TPRG1: variants seen among roughly 807,000 people sequenced by gnomAD.
The protein encoded by TPRG1 is tumor protein p63-regulated gene 1 protein.
Under a neutral mutation model 29.3 loss-of-function variants are expected in TPRG1, and 29 were observed. That is an observed-to-expected ratio of 0.99 (90% CI 0.74 to 1.35). The LOEUF (loss-of-function observed/expected upper bound fraction) is 1.35. Ranked by LOEUF, TPRG1 falls within the 40% of genes most tolerant of loss-of-function variation. TPRG1 has a pLI of 0.00. For synonymous variants in TPRG1, 130 were observed against 116.8 expected (o/e 1.11, Z -0.73); for missense variants, 327 against 335.0 (o/e 0.98, Z 0.19).
intron 4 of TPRG1, among the ~76,000 whole-genome samples, chr3:189,309,565 A>T (rs551986646): frequency 2.0e-5 from 3 of 152,260 alleles, no homozygotes; most frequent in Non-Finnish European, 1.5e-5. Context: ...TGAAACCACA[A>T]ATCATAAATT....
intron 1 of TPRG1, among the ~76,000 whole-genome samples, chr3:189,206,807 C>CTGTGTGTGTGTGTG (rs1560551111): frequency 6.8e-4 from 41 of 60,590 alleles, no homozygotes; most frequent in East Asian, 6.4e-3. Context: ...AGCTGAACAA[C>CTGTGTGTGTGTGTG]CGTGTGTGTG....
At chr3:189,147,310 T>G (rs1725394730) in intron 3 of TPRG1, among the ~76,000 whole-genome samples, 1 of 152,112 alleles carries the variant, frequency 6.6e-6, no homozygotes, top group Non-Finnish European at 1.5e-5. Flanking sequence ...GCTCTAGCAG[T>G]GGAGAAAGAG....
intron 4 of TPRG1, among the ~76,000 whole-genome samples, chr3:189,050,869 A>C (rs1444019576): frequency 6.6e-6 from 1 of 152,206 alleles, no homozygotes; most frequent in African/African-American, 2.4e-5. Flanking sequence ...AAAAGCATTC[A>C]ACAAAATCCA....
chr3:189,215,010 G>A (rs1426572448), intron 2 of TPRG1, among the ~76,000 whole-genome samples: 1 of 144,334 alleles, frequency 6.9e-6, no homozygotes, highest in Non-Finnish European at 1.5e-5. Context: ...TGCTTGTTTG[G>A]GAAAACTGTT....
chr3:189,133,107 T>G (rs192416644), intron 3 of TPRG1, among the ~76,000 whole-genome samples: 31 of 152,292 alleles, frequency 2.0e-4, no homozygotes, highest in Middle Eastern at 6.8e-3. Flanking sequence ...GAAAGGCCTG[T>G]GTGTATTCAG....
intron 4 of TPRG1, among the ~76,000 whole-genome samples, chr3:189,303,390 G>A (rs1312509237): frequency 2.0e-5 from 3 of 152,240 alleles, no homozygotes; most frequent in Non-Finnish European, 2.9e-5. Flanking sequence ...GGTCAAACAC[G>A]TTAGGTTTGT....
chr3:189,284,955 A>G (rs982448265), intron 4 of TPRG1, among the ~76,000 whole-genome samples: 8 of 152,210 alleles, frequency 5.3e-5, no homozygotes, highest in Admixed American at 3.9e-4. Flanking sequence ...TAATTAAACT[A>G]AAGAGCTTCT....
intron 3 of TPRG1, among the ~76,000 whole-genome samples, chr3:189,216,309 G>T (rs1386916181): frequency 6.6e-6 from 1 of 151,952 alleles, no homozygotes; most frequent in African/African-American, 2.4e-5. Context: ...TTAACTGCTG[G>T]GCAGGATGTC....
intron 2 of TPRG1, among the ~76,000 whole-genome samples, chr3:189,004,277 TAC>T (rs1419837664): frequency 2.0e-5 from 3 of 152,140 alleles, no homozygotes; most frequent in Non-Finnish European, 4.4e-5. Flanking sequence ...TTAAAAAAAA[TAC>T]AGTGTTAACA....
intron 4 of TPRG1, among the ~76,000 whole-genome samples, chr3:189,090,813 C>A (rs1718289236): frequency 6.6e-6 from 1 of 151,766 alleles, no homozygotes; most frequent in South Asian, 2.1e-4. Context: ...TTATTCTTTT[C>A]TTTAACAAAT....
chr3:189,080,464 T>C (rs1717514457), intron 4 of TPRG1, among the ~76,000 whole-genome samples: 1 of 152,184 alleles, frequency 6.6e-6, no homozygotes, highest in Admixed American at 6.5e-5. Flanking sequence ...CTTTCTTTTC[T>C]TGAATCTTTT....
rs763983041 is a variant in TPRG1 at position 189,215,373 on chromosome 3, C to T, written c.292C>T (p.Leu98Phe). ...TGGAGAGACCATTCAAGGCTTCTGG[C>T]TCTTGACAAAGTGAGTAGTCACAGC... ...TSGETIQGFW[L>F]LTKIDHWNNE... Residue 98 changes from leucine (L) to phenylalanine (F), a missense_variant, in exon 3 of 6, where the codon CTC becomes TTC. Coordinates refer to ENST00000345063, the MANE Select transcript of TPRG1 (RefSeq NM_198485.4). The T allele has an allele frequency of 1.1e-5, 17 of 1,611,182 alleles. No homozygotes were observed. The highest frequency in any genetic ancestry group is 2.2e-5 in the East Asian group (1 of 44,734).
chr3:189,200,091 C>T (rs1733219876), intron 1 of TPRG1, among the ~76,000 whole-genome samples: 1 of 152,108 alleles, frequency 6.6e-6, no homozygotes, highest in Admixed American at 6.6e-5. Flanking sequence ...TGTATTCTTC[C>T]CCACGGCCCT....
At chr3:189,222,992 T>C (rs546226068) in intron 3 of TPRG1, among the ~76,000 whole-genome samples, 1 of 152,334 alleles carries the variant, frequency 6.6e-6, no homozygotes, top group African/African-American at 2.4e-5. Context: ...TGGAATAATC[T>C]TGTCTCCCTT....
At chr3:189,270,422 G>T (rs1421916945) in intron 4 of TPRG1, among the ~76,000 whole-genome samples, 1 of 152,204 alleles carries the variant, frequency 6.6e-6, no homozygotes, top group African/African-American at 2.4e-5. Flanking sequence ...TTGCTGGGTG[G>T]CAGCAGAAGT....
intron 4 of TPRG1, among the ~76,000 whole-genome samples, chr3:189,075,662 G>T (rs1717124328): frequency 6.6e-6 from 1 of 152,270 alleles, no homozygotes; most frequent in South Asian, 2.1e-4. Flanking sequence ...TAGATTTGTG[G>T]TGATTTTAGA....
chr3:189,322,041 T>A lies in TPRG1; in HGVS notation c.*1221T>A, dbSNP rs1724367427. On this transcript the variant is annotated 3_prime_UTR_variant, in exon 6 of 6. Coordinates refer to ENST00000345063, the MANE Select transcript of TPRG1 (RefSeq NM_198485.4). ...ATCTCATATGTTTGCATCTCTCAAG[T>A]TTCTTTTCTTTTTTCTTTCAGAGTC... 6.7e-6 allele frequency: 1 copy of A among 149,992 alleles called. No homozygotes were observed. 9.3% of individuals were successfully genotyped at this position (149,992 alleles called of 1,614,324 possible).
chr3:189,014,868 T>C (rs1053427576), intron 3 of TPRG1, among the ~76,000 whole-genome samples: 3 of 152,130 alleles, frequency 2.0e-5, no homozygotes, highest in Non-Finnish European at 4.4e-5. Flanking sequence ...CAGTCTCAGG[T>C]AGTACTTTAT....
intron 4 of TPRG1, among the ~76,000 whole-genome samples, chr3:189,256,456 T>C (rs1207279138): frequency 7.2e-5 from 11 of 152,150 alleles, no homozygotes. Context: ...AAATGCTAAG[T>C]GGTGCTGAGA....
Sources: allele counts gnomAD v4.1 joint callset (sites outside exome capture counted in the v4.1 genomes callset), GRCh38; gene constraint gnomAD v4.1.1; transcripts MANE v1.5; gene names NCBI Gene and HGNC (gene_info 2026-07-23, HGNC 2026-07-21).